Variants in RYR2 observed in about 807,000 individuals in gnomAD.
RYR2 encodes ryanodine receptor 2.
Under a neutral mutation model 601.1 loss-of-function variants are expected in RYR2, and 227 were observed. The observed-to-expected ratio is 0.38, with a 90% CI of 0.34 to 0.42. RYR2 has a LOEUF of 0.42. RYR2 is among the 10% of genes least tolerant of loss of function. The pLI is 1.00. For missense variants in RYR2, 4,646 were observed against 6,156.5 expected (o/e 0.75, Z 8.21); for synonymous variants, 2,223 against 2,175.1 (o/e 1.02, Z -0.61).
chr1:237,526,671 G>T (rs1317454629), intron 24 of RYR2, among the ~76,000 whole-genome samples: 3 of 152,028 alleles, frequency 2.0e-5, no homozygotes, highest in East Asian at 1.9e-4. Flanking sequence ...TAATACAGTT[G>T]TTTGTTTTTT....
chr1:237,755,041 G>C (rs1198843832), intron 80 of RYR2: 1 of 1,282,372 alleles, frequency 7.8e-7, no homozygotes, highest in East Asian at 5.6e-5. Context: ...AAAAAACCCT[G>C]ATCAATTTTG....
At chr1:237,366,662 A>C (rs1314417103) in intron 5 of RYR2, among the ~76,000 whole-genome samples, 1 of 149,096 alleles carries the variant, frequency 6.7e-6, no homozygotes, top group Non-Finnish European at 1.5e-5. Context: ...ATGTGTGTGT[A>C]AACCTCTTTA....
chr1:237,788,019 A>G lies in RYR2; in HGVS notation c.13360A>G (p.Lys4454Glu). 6.2e-7 allele frequency: 1 copy of G among 1,603,372 alleles called. No homozygotes were observed. The highest frequency in any genetic ancestry group is 8.5e-7 in the Non-Finnish European group (1 of 1,174,278). Reference sequence around the variant, plus strand: ...AGATGGAGAAAAAGAAGAGAAAGCCAAGGAAGACAAGGGCAAACAAAAGTT... The same window carrying G: ...AGATGGAGAAAAAGAAGAGAAAGCCGAGGAAGACAAGGGCAAACAAAAGTT... ...GEDGEKEEKA[K>E]EDKGKQKLRQ... The change falls in exon 92 of 105, where the codon AAG becomes GAG. Residue 4454 changes from lysine (K) to glutamate (E), a missense_variant. This residue lies in a region of RYR2 where 364 missense variants were observed against 442.9 expected (regional missense o/e 0.82). Coordinates refer to ENST00000366574, the MANE Select transcript of RYR2 (RefSeq NM_001035.3).
chr1:237,354,573 G>C (rs993986808), intron 3 of RYR2, among the ~76,000 whole-genome samples: 2 of 151,760 alleles, frequency 1.3e-5, no homozygotes, highest in African/African-American at 4.8e-5. Flanking sequence ...ATAAAAATTC[G>C]CCCTTTTAGA....
At chr1:237,459,013 G>A (rs1033562173) in intron 16 of RYR2, among the ~76,000 whole-genome samples, 1 of 152,164 alleles carries the variant, frequency 6.6e-6, no homozygotes, top group African/African-American at 2.4e-5. Flanking sequence ...GGGATATTGA[G>A]GCTTTATAGG....
intron 24 of RYR2, among the ~76,000 whole-genome samples, chr1:237,524,763 G>A (rs1667408760): frequency 6.6e-6 from 1 of 150,474 alleles, no homozygotes; most frequent in South Asian, 2.1e-4. Flanking sequence ...TATAGAGAGA[G>A]ATTCCTTAAA....
intron 61 of RYR2, among the ~76,000 whole-genome samples, chr1:237,679,517 T>G (rs77377000): frequency 0.013 from 1,940 of 152,256 alleles, 24 homozygotes; most frequent in South Asian, 0.057. Context: ...GTTCTTGCTA[T>G]GGGCCCGTCA....
chr1:237,248,092 T>C (rs1040397553), intron 1 of RYR2, among the ~76,000 whole-genome samples: 1 of 152,064 alleles, frequency 6.6e-6, no homozygotes, highest in Non-Finnish European at 1.5e-5. Context: ...GGTAACATGG[T>C]GAAACCCTGT....
intron 12 of RYR2, among the ~76,000 whole-genome samples, chr1:237,433,028 T>C (rs933128741): frequency 6.9e-5 from 4 of 57,648 alleles, no homozygotes; most frequent in Non-Finnish European, 1.1e-4. Flanking sequence ...TTTAGGTGAC[T>C]GTGTGTGGGG....
intron 80 of RYR2, among the ~76,000 whole-genome samples, chr1:237,750,693 A>T (rs1015978334): frequency 6.6e-6 from 1 of 152,090 alleles, no homozygotes; most frequent in Non-Finnish European, 1.5e-5. Context: ...TCCCCTGAGG[A>T]TGACAAAAAA....
chr1:237,407,960 C>T lies in RYR2; in HGVS notation c.774-9089C>T, dbSNP rs183948173. Among the ~76,000 whole-genome samples the T allele has an allele frequency of 2.2e-3, 338 of 152,170 alleles. 1 individual carries two copies. The South Asian group carries it at 0.029, about 13-fold the overall frequency. On this transcript the variant is annotated intron_variant, in intron 10 of 104. Coordinates refer to ENST00000366574, the MANE Select transcript of RYR2 (RefSeq NM_001035.3). ...AGAGTTCTTTACATATTTCGGATGCCAGTCCTTTCCCAGATATGCGATTGC... is the reference window on the plus strand; with the variant it reads ...AGAGTTCTTTACATATTTCGGATGCTAGTCCTTTCCCAGATATGCGATTGC...
chr1:237,824,537 T>C (rs1662879414), intron 101 of RYR2, among the ~76,000 whole-genome samples: 1 of 127,110 alleles, frequency 7.9e-6, no homozygotes. Context: ...CTGAAAATAA[T>C]AAGAGCTATA....
intron 1 of RYR2, among the ~76,000 whole-genome samples, chr1:237,144,804 AC>A (rs1342833804): frequency 6.6e-5 from 10 of 152,232 alleles, no homozygotes; most frequent in African/African-American, 2.4e-4. Flanking sequence ...AATAGATGTA[AC>A]ATATACTTAA....
chr1:237,645,938 G>C (rs1231095662), intron 48 of RYR2, among the ~76,000 whole-genome samples: 1 of 149,606 alleles, frequency 6.7e-6, no homozygotes, highest in Admixed American at 6.7e-5. Context: ...ATGCAGTGGC[G>C]CAGTCTTGGC....
chr1:237,473,342 T>G (rs1371139272), intron 17 of RYR2, among the ~76,000 whole-genome samples: 1 of 151,948 alleles, frequency 6.6e-6, no homozygotes, highest in African/African-American at 2.4e-5. Context: ...GAGAATCGCT[T>G]GAACTTGGGA....
intron 11 of RYR2, among the ~76,000 whole-genome samples, chr1:237,418,040 A>AT (rs1705188213): frequency 6.6e-6 from 1 of 151,616 alleles, no homozygotes; most frequent in African/African-American, 2.4e-5. Context: ...TATTTAATTA[A>AT]TTAATTTATT....
chr1:237,113,527 A>G (rs1480757857), intron 1 of RYR2, among the ~76,000 whole-genome samples: 3 of 152,072 alleles, frequency 2.0e-5, no homozygotes, highest in Non-Finnish European at 4.4e-5. Context: ...ACTCTGTCCC[A>G]TTGTCCTTTA....
chr1:237,809,062 TAAACA>T, intron 100 of RYR2, 27 bp downstream of exon 100: 1 of 1,598,882 alleles, frequency 6.3e-7, no homozygotes, highest in South Asian at 1.1e-5. Context: ...TGATCTCACA[TAAACA>T]AAAATGTCTC....
intron 8 of RYR2, among the ~76,000 whole-genome samples, chr1:237,385,348 G>A (rs547165759): frequency 6.6e-6 from 1 of 152,244 alleles, no homozygotes; most frequent in South Asian, 2.1e-4. Flanking sequence ...TGTAATGTTT[G>A]AGGTGATAGA....
Sources: gnomAD v4.1 joint callset for allele counts (sites outside exome capture counted in the v4.1 genomes callset) on GRCh38, gnomAD v4.1.1 for gene constraint, gnomAD v4.1.1 regional missense constraint, MANE v1.5 for transcripts, NCBI Gene and HGNC (gene_info 2026-07-23, HGNC 2026-07-21) for gene names.